LIMCH1: variants seen among roughly 807,000 people sequenced by gnomAD.
LIMCH1 encodes LIM and calponin homology domains 1.
LIMCH1 carries 113 observed loss-of-function variants against 176.5 expected under a neutral mutation model. That is an observed-to-expected ratio of 0.64 (90% CI 0.55 to 0.75). LIMCH1 has a LOEUF of 0.75. Among genes scored for constraint, LIMCH1 ranks in the 30% least tolerant of loss-of-function variants. LIMCH1 has a pLI of 0.00. For synonymous variants in LIMCH1, 619 were observed against 645.9 expected, an observed-to-expected ratio of 0.96 and a Z score of 0.63; for missense variants, 1,674 against 1,814.9, an observed-to-expected ratio of 0.92 and a Z score of 1.41.
chr4:41,473,232 G>C, intron 1 of LIMCH1: 1 of 973,266 alleles, frequency 1.0e-6, no homozygotes, highest in Non-Finnish European at 1.2e-6. Context: ...TGAGATGTTA[G>C]TTCTGTTTCT....
intron 1 of LIMCH1, among the ~76,000 whole-genome samples, chr4:41,399,085 T>C (rs1177438739): frequency 1.3e-5 from 2 of 152,152 alleles, no homozygotes; most frequent in African/African-American, 4.8e-5. Context: ...CAGAGGTAAA[T>C]TAAAATGTGC....
At chr4:41,552,869 A>G (rs2080676074) in intron 1 of LIMCH1, among the ~76,000 whole-genome samples, 1 of 152,154 alleles carries the variant, frequency 6.6e-6, no homozygotes, top group Non-Finnish European at 1.5e-5. Flanking sequence ...GTTCAGTTTC[A>G]TGGCTCATGG....
At chr4:41,402,693 G>A (rs1420797071) in intron 1 of LIMCH1, among the ~76,000 whole-genome samples, 1 of 147,728 alleles carries the variant, frequency 6.8e-6, no homozygotes, top group Non-Finnish European at 1.5e-5. Flanking sequence ...GGATGAAATT[G>A]GAAATCATCA....
intron 17 of LIMCH1, among the ~76,000 whole-genome samples, chr4:41,647,808 G>A (rs1031702161): frequency 6.6e-6 from 1 of 152,214 alleles, no homozygotes; most frequent in African/African-American, 2.4e-5. Flanking sequence ...AAATAACTCT[G>A]AATGTATCTC....
chr4:41,375,868 C>T (rs2054691181), intron 1 of LIMCH1, among the ~76,000 whole-genome samples: 5 of 152,244 alleles, frequency 3.3e-5, no homozygotes, highest in African/African-American at 1.2e-4. Flanking sequence ...TGAAAGCTCA[C>T]AGGTTACTTT....
intron 1 of LIMCH1, among the ~76,000 whole-genome samples, chr4:41,400,006 A>AT (rs756644848): frequency 0.026 from 3,407 of 131,202 alleles, 123 homozygotes; most frequent in African/African-American, 0.086. Context: ...TTTCATTTCC[A>AT]TTTTTTTTTT....
intron 2 of LIMCH1, among the ~76,000 whole-genome samples, chr4:41,514,267 A>G (rs2075327123): frequency 6.6e-6 from 1 of 152,112 alleles, no homozygotes; most frequent in Non-Finnish European, 1.5e-5. Flanking sequence ...GAAGCCAGAT[A>G]GTTTCTGTGA....
chr4:41,563,004 T>C (rs2082256625), intron 1 of LIMCH1, among the ~76,000 whole-genome samples: 1 of 152,234 alleles, frequency 6.6e-6, no homozygotes, highest in Admixed American at 6.5e-5. Flanking sequence ...ATTCTGAAGA[T>C]GGGTCTATTT....
chr4:41,393,052 A>G (rs2057420545), intron 1 of LIMCH1, among the ~76,000 whole-genome samples: 1 of 152,144 alleles, frequency 6.6e-6, no homozygotes, highest in Non-Finnish European at 1.5e-5. Context: ...AGAAAATGTT[A>G]TATATCTTTT....
chr4:41,429,878 G>A (rs1040156144), intron 1 of LIMCH1, among the ~76,000 whole-genome samples: 2 of 152,140 alleles, frequency 1.3e-5, no homozygotes, highest in African/African-American at 4.8e-5. Context: ...GGAAGGAAAG[G>A]AAACATGGTG....
chr4:41,563,987 C>A (rs6841107), intron 1 of LIMCH1, among the ~76,000 whole-genome samples: 35,404 of 151,936 alleles, frequency 0.23, 4,858 homozygotes, highest in African/African-American at 0.38. Flanking sequence ...ACTGTGTTCC[C>A]CCTCTCTGTT....
chr4:41,501,338 G>A (rs2073230996), intron 2 of LIMCH1, among the ~76,000 whole-genome samples: 2 of 152,224 alleles, frequency 1.3e-5, no homozygotes, highest in African/African-American at 4.8e-5. Context: ...GAATTCTTAA[G>A]TGTTTTAGAA....
chr4:41,429,801 G>T (rs960866781), intron 1 of LIMCH1, among the ~76,000 whole-genome samples: 1 of 152,190 alleles, frequency 6.6e-6, no homozygotes, highest in Non-Finnish European at 1.5e-5. Flanking sequence ...TCCATGGAGG[G>T]CTGGCCTTCA....
chr4:41,519,031 C>G (rs1478969036), intron 2 of LIMCH1, among the ~76,000 whole-genome samples: 1 of 152,098 alleles, frequency 6.6e-6, no homozygotes, highest in Non-Finnish European at 1.5e-5. Context: ...GTAAATAGTA[C>G]TACAATAAAC....
chr4:41,641,156 C>T, intron 14 of LIMCH1, among the ~76,000 whole-genome samples: 1 of 152,176 alleles, frequency 6.6e-6, no homozygotes, highest in Non-Finnish European at 1.5e-5. Context: ...GAGCCCTCAT[C>T]CCAACAGCCC....
chr4:41,439,889 G>A lies in LIMCH1; in HGVS notation c.97-54647G>A, dbSNP rs575149214. Among the ~76,000 whole-genome samples, 371 of 152,216 alleles carry A rather than the reference G, an allele frequency of 2.4e-3. 1 individual carries two copies. The highest frequency in any genetic ancestry group is 0.019 in the South Asian group (89 of 4,806). Reference sequence around the variant, plus strand: ...ATTGTAGTCCAGCCTGGGCGACAGGGCAAAACTCCATCTCAAAAAAAAGAA... The same window carrying A: ...ATTGTAGTCCAGCCTGGGCGACAGGACAAAACTCCATCTCAAAAAAAAGAA... On this transcript the variant is annotated intron_variant, in intron 1 of 26. Coordinates refer to the LIMCH1 transcript ENST00000313860.
chr4:41,452,931 G>A (rs78060038), intron 1 of LIMCH1, among the ~76,000 whole-genome samples: 8 of 152,254 alleles, frequency 5.3e-5, no homozygotes, highest in African/African-American at 1.2e-4. Context: ...CAGCACCCAC[G>A]GTACCGGTGC....
chr4:41,663,966 A>G (rs2094726611), intron 20 of LIMCH1, among the ~76,000 whole-genome samples: 1 of 151,928 alleles, frequency 6.6e-6, no homozygotes, highest in African/African-American at 2.4e-5. Flanking sequence ...ACTTAGCCCA[A>G]GAGGTCAAGG....
At chr4:41,408,194 T>C (rs2059159909) in intron 1 of LIMCH1, among the ~76,000 whole-genome samples, 1 of 152,044 alleles carries the variant, frequency 6.6e-6, no homozygotes, top group African/African-American at 2.4e-5. Flanking sequence ...GGGAGAACTT[T>C]AAGGAGTCAA....
Sources: allele counts gnomAD v4.1 joint callset (sites outside exome capture counted in the v4.1 genomes callset), GRCh38; gene constraint gnomAD v4.1.1; transcripts MANE v1.5; gene names NCBI Gene and HGNC (gene_info 2026-07-23, HGNC 2026-07-21).